The following EBF1 variants were observed in gnomAD, a reference collection of about 807,000 sequenced individuals.
EBF1 encodes EBF transcription factor 1, also known as transcription factor COE1.
A neutral mutation model predicts 68.4 loss-of-function variants in EBF1; 10 were observed. That is an observed-to-expected ratio of 0.15 (90% CI 0.09 to 0.25). The LOEUF (loss-of-function observed/expected upper bound fraction) is 0.25. Ranked by LOEUF, EBF1 falls within the 10% of genes least tolerant of loss-of-function variation. The pLI, the probability that EBF1 is intolerant of heterozygous loss-of-function variation, is 1.00. For missense variants in EBF1, 509 were observed against 794.4 expected (o/e 0.64, Z 4.32); for synonymous variants, 298 against 299.8 (o/e 0.99, Z 0.06).
chr5:158,861,525 T>C (rs977207674), intron 6 of EBF1, among the ~76,000 whole-genome samples: 2 of 152,240 alleles, frequency 1.3e-5, no homozygotes, highest in Non-Finnish European at 2.9e-5. Flanking sequence ...CCCATGTTTA[T>C]GTATGCTCCC....
At chr5:158,851,360 G>A (rs900381881) in intron 6 of EBF1, among the ~76,000 whole-genome samples, 25 of 128,748 alleles carry the variant, frequency 1.9e-4, no homozygotes, top group Middle Eastern at 3.7e-3. Flanking sequence ...GTCAAGAAAG[G>A]GAAGAAGGAA....
Position 158,914,425 on chromosome 5 carries a change from G to A in EBF1, c.555-74315C>T, listed in dbSNP as rs560487056. ...GGGGAAAGGTTCATGCCGCACGAGG[G>A]GGGTAACCAGTTGATGTTACAAGGC... is the stretch of plus-strand genomic sequence containing the variant. On this transcript the variant is annotated intron_variant, in intron 6 of 15. Coordinates refer to ENST00000313708, the MANE Select transcript of EBF1 (RefSeq NM_024007.5). 7.2e-5 allele frequency among the ~76,000 whole-genome samples: 11 copies of A among 152,182 alleles called. 1 individual carries two copies. Among genetic ancestry groups the A allele is most frequent in the African/African-American group, 1.2e-4 (5 of 41,532 alleles).
At chr5:158,786,048 A>C (rs952363536) in intron 9 of EBF1, among the ~76,000 whole-genome samples, 2 of 152,202 alleles carry the variant, frequency 1.3e-5, no homozygotes, top group Non-Finnish European at 2.9e-5. Flanking sequence ...GCCATTAGCC[A>C]CCACTAATAA....
At chr5:159,041,351 G>A (rs7444582) in intron 6 of EBF1, among the ~76,000 whole-genome samples, 1 of 152,142 alleles carries the variant, frequency 6.6e-6, no homozygotes, top group Admixed American at 6.5e-5. Flanking sequence ...TCATGAAGTA[G>A]AAATCTTTTA....
chr5:158,723,155 A>G (rs1762290033), intron 11 of EBF1, among the ~76,000 whole-genome samples: 1 of 152,176 alleles, frequency 6.6e-6, no homozygotes, highest in Non-Finnish European at 1.5e-5. Context: ...CTGCATTTAC[A>G]TGTGAATTCT....
chr5:158,697,356 TAAAA>T lies in EBF1; in HGVS notation c.*1751_*1754del, dbSNP rs551249027. 410 of 198,662 alleles carry T rather than the reference TAAAA, an allele frequency of 2.1e-3. 2 individuals are homozygous for T. The highest frequency in any genetic ancestry group is 8.8e-3 in the African/African-American group (380 of 43,418). The allele number at this position is 198,662 out of a possible 1,614,324, so 12.3% of individuals were successfully genotyped here. A position where few individuals can be genotyped will look rare whatever the true frequency, so the allele number is the denominator to read the frequency against. On this transcript the variant is annotated 3_prime_UTR_variant, in exon 16 of 16. Transcript: ENST00000313708. ...TAGACAATGACTTTTGGGTGGAAATTAAAAAAACTGAAGCATGGTTTATAACAAT... is the reference window on the plus strand; with the variant it reads ...TAGACAATGACTTTTGGGTGGAAATTAAACTGAAGCATGGTTTATAACAAT...
chr5:158,792,404 C>T (rs1778814805), intron 9 of EBF1, among the ~76,000 whole-genome samples: 2 of 152,166 alleles, frequency 1.3e-5, no homozygotes, highest in Non-Finnish European at 2.9e-5. Context: ...ATGAGCTAAA[C>T]TGAACTACTC....
chr5:158,713,999 TACTCTTA>T, intron 12 of EBF1, 111 bp downstream of exon 12: 1 of 1,009,798 alleles, frequency 9.9e-7, no homozygotes, highest in African/African-American at 1.6e-5. Flanking sequence ...GAATTACTTA[TACTCTTA>T]ACTCATGCAC....
intron 6 of EBF1, chr5:158,987,297 T>C (rs1544754): frequency 0.75 from 114,559 of 152,128 alleles, 43,655 homozygotes; most frequent in South Asian, 0.89. Flanking sequence ...AAGCATAGTG[T>C]CTGGAGTATA....
At chr5:158,823,999 G>A (rs1440961516) in intron 7 of EBF1, among the ~76,000 whole-genome samples, 4 of 151,786 alleles carry the variant, frequency 2.6e-5, no homozygotes, top group Non-Finnish European at 5.9e-5. Flanking sequence ...ATCTCATAAA[G>A]TGACTGTGAA....
chr5:158,889,097 A>G (rs1481104175), intron 6 of EBF1, among the ~76,000 whole-genome samples: 1 of 152,168 alleles, frequency 6.6e-6, no homozygotes, highest in Admixed American at 6.5e-5. Flanking sequence ...AACACTACCA[A>G]AACTACCCTG....
intron 6 of EBF1, among the ~76,000 whole-genome samples, chr5:158,859,796 G>T (rs1794667643): frequency 6.6e-6 from 1 of 152,138 alleles, no homozygotes; most frequent in South Asian, 2.1e-4. Flanking sequence ...GATCACATTG[G>T]CCAGAACAGC....
chr5:158,843,125 T>C (rs939949320), intron 6 of EBF1, among the ~76,000 whole-genome samples: 3 of 152,186 alleles, frequency 2.0e-5, no homozygotes, highest in African/African-American at 7.2e-5. Context: ...GTAGACGTCA[T>C]TGCCATTCTC....
intron 7 of EBF1, among the ~76,000 whole-genome samples, chr5:158,835,203 G>A (rs1251703776): frequency 6.6e-6 from 1 of 152,184 alleles, no homozygotes; most frequent in African/African-American, 2.4e-5. Flanking sequence ...CCCTGTCTTG[G>A]TTCGGTCCTA....
intron 12 of EBF1, among the ~76,000 whole-genome samples, chr5:158,713,817 T>G (rs1315322029): frequency 2.0e-5 from 3 of 152,188 alleles, no homozygotes; most frequent in Non-Finnish European, 4.4e-5. Context: ...CTTGAAAACC[T>G]GAGAGAAATA....
At chr5:158,936,990 G>A (rs1812154397) in intron 6 of EBF1, among the ~76,000 whole-genome samples, 2 of 152,052 alleles carry the variant, frequency 1.3e-5, no homozygotes, top group South Asian at 4.2e-4. Flanking sequence ...TCATGGAGGA[G>A]GGCAACCGAA....
intron 6 of EBF1, among the ~76,000 whole-genome samples, chr5:158,945,327 G>T (rs184549969): frequency 6.6e-6 from 1 of 152,224 alleles, no homozygotes; most frequent in African/African-American, 2.4e-5. Context: ...ATTAAATAGG[G>T]GATTCTTTCC....
chr5:158,893,052 C>T (rs1403787445), intron 6 of EBF1, among the ~76,000 whole-genome samples: 6 of 151,300 alleles, frequency 4.0e-5, no homozygotes, highest in Non-Finnish European at 7.4e-5. Context: ...CCATTCATTT[C>T]CATTACTCAC....
At position 158,914,417 on chromosome 5, in the gene EBF1, G is replaced by A. The variant is rs77648325; in HGVS notation, c.555-74307C>T. Among the ~76,000 whole-genome samples, 95 of 152,180 alleles carry A rather than the reference G, an allele frequency of 6.2e-4. 2 individuals carry two copies. In the East Asian group the frequency reaches 0.017, roughly 28 times the overall value. On this transcript the variant is annotated intron_variant, in intron 6 of 15. Coordinates refer to ENST00000313708, the MANE Select transcript of EBF1 (RefSeq NM_024007.5). ...TCACTGGAGGGGAAAGGTTCATGCC[G>A]CACGAGGGGGGTAACCAGTTGATGT...
Sources: gnomAD v4.1 joint callset for allele counts (sites outside exome capture counted in the v4.1 genomes callset) on GRCh38, gnomAD v4.1.1 for gene constraint, MANE v1.5 for transcripts, NCBI Gene and HGNC (gene_info 2026-07-23, HGNC 2026-07-21) for gene names.